Variants in SETBP1 observed in about 807,000 individuals in gnomAD.
The protein encoded by SETBP1 is SET-binding protein.
In SETBP1, 9 loss-of-function variants were observed where a neutral mutation model predicts 101.0. The ratio of observed to expected loss-of-function variants is 0.09; its 90% CI spans 0.05 to 0.16. SETBP1 has a LOEUF of 0.16. Among genes scored for constraint, SETBP1 ranks in the 10% least tolerant of loss-of-function variants. SETBP1 has a pLI of 1.00. For missense variants in SETBP1, 1,858 were observed against 2,033.8 expected (o/e 0.91, Z 1.66); for synonymous variants, 818 against 788.5 (o/e 1.04, Z -0.63).
chr18:45,033,913 G>T (rs1196266405), intron 4 of SETBP1, among the ~76,000 whole-genome samples: 1 of 152,162 alleles, frequency 6.6e-6, no homozygotes, highest in African/African-American at 2.4e-5. Context: ...TCTTATCTAG[G>T]AAAGGGTAGT....
intron 2 of SETBP1, among the ~76,000 whole-genome samples, chr18:44,755,331 G>C (rs966301518): frequency 6.6e-6 from 1 of 152,210 alleles, no homozygotes; most frequent in African/African-American, 2.4e-5. Flanking sequence ...GTTTCCAGAG[G>C]ATATTGAGAC....
chr18:44,696,584 T>A (rs1247279686), intron 1 of SETBP1, among the ~76,000 whole-genome samples: 2 of 152,214 alleles, frequency 1.3e-5, no homozygotes, highest in Non-Finnish European at 2.9e-5. Context: ...ATAAGTCACA[T>A]CTAGCCAAGC....
At chr18:44,802,505 C>A (rs968653305) in intron 2 of SETBP1, among the ~76,000 whole-genome samples, 1 of 152,178 alleles carries the variant, frequency 6.6e-6, no homozygotes, top group African/African-American at 2.4e-5. Flanking sequence ...GTACCCCATT[C>A]ATTCTTCAAG....
chr18:44,763,394 A>G (rs1472659850), intron 2 of SETBP1, among the ~76,000 whole-genome samples: 21 of 152,228 alleles, frequency 1.4e-4, no homozygotes, highest in Non-Finnish European at 1.5e-5. Flanking sequence ...CTACAATAAG[A>G]AAAGGTAAAC....
chr18:44,685,358 G>A (rs577868910), intron 1 of SETBP1, among the ~76,000 whole-genome samples: 11 of 152,240 alleles, frequency 7.2e-5, no homozygotes, highest in South Asian at 4.1e-4. Flanking sequence ...TATGGCTTCC[G>A]CCCCCTTGAT....
intron 2 of SETBP1, among the ~76,000 whole-genome samples, chr18:44,720,492 A>G (rs566473249): frequency 6.6e-6 from 1 of 152,340 alleles, no homozygotes; most frequent in Non-Finnish European, 1.5e-5. Flanking sequence ...GAAGAGAGGA[A>G]CCACATGGGC....
chr18:45,057,973 A>G (rs2073836207), intron 5 of SETBP1, among the ~76,000 whole-genome samples: 1 of 152,276 alleles, frequency 6.6e-6, no homozygotes, highest in Non-Finnish European at 1.5e-5. Flanking sequence ...CAAAATCAAC[A>G]GAATGCTGAT....
chr18:44,725,402 G>C (rs190934025), intron 2 of SETBP1, among the ~76,000 whole-genome samples: 3 of 152,116 alleles, frequency 2.0e-5, no homozygotes, highest in African/African-American at 7.2e-5. Flanking sequence ...AAACTGGGTT[G>C]GGGGGTGTGT....
intron 4 of SETBP1, among the ~76,000 whole-genome samples, chr18:44,966,200 T>C (rs965584021): frequency 1.3e-5 from 2 of 152,224 alleles, no homozygotes; most frequent in East Asian, 1.9e-4. Flanking sequence ...AGTCTAAAAC[T>C]ATCTGGCTTA....
chr18:44,769,225 A>G (rs2070823966), intron 2 of SETBP1, among the ~76,000 whole-genome samples: 1 of 152,188 alleles, frequency 6.6e-6, no homozygotes, highest in Non-Finnish European at 1.5e-5. Context: ...TCTACTTAAC[A>G]CATGTCCCTT....
At chr18:44,915,976 A>G (rs563014619) in intron 3 of SETBP1, among the ~76,000 whole-genome samples, 13 of 152,314 alleles carry the variant, frequency 8.5e-5, no homozygotes, top group Admixed American at 7.2e-4. Context: ...CTGTAATCCT[A>G]GGACTTTGGG....
chr18:44,901,275 C>G (rs2070038808), intron 3 of SETBP1, among the ~76,000 whole-genome samples: 1 of 152,126 alleles, frequency 6.6e-6, no homozygotes, highest in Admixed American at 6.6e-5. Flanking sequence ...TCTATCTATT[C>G]TGGGATGAGA....
intron 3 of SETBP1, among the ~76,000 whole-genome samples, chr18:44,900,651 G>A (rs1173710201): frequency 6.6e-6 from 1 of 152,178 alleles, no homozygotes; most frequent in Non-Finnish European, 1.5e-5. Flanking sequence ...CAGACCAGCA[G>A]CATCAGCATC....
chr18:44,816,405 C>A (rs1350113216), intron 2 of SETBP1, among the ~76,000 whole-genome samples: 2 of 152,150 alleles, frequency 1.3e-5, no homozygotes, highest in Non-Finnish European at 2.9e-5. Context: ...GGGTCAGCAG[C>A]TGGCTGAGGG....
chr18:44,831,321 T>TTTTACC (rs2072362406), intron 2 of SETBP1, among the ~76,000 whole-genome samples: 1 of 152,224 alleles, frequency 6.6e-6, no homozygotes, highest in African/African-American at 2.4e-5. Flanking sequence ...AGACATGTGA[T>TTTTACC]TAAGGGATAT....
At position 44,739,636 on chromosome 18, in the gene SETBP1, C is replaced by T. The variant is rs180711953; in HGVS notation, c.486+37804C>T. On this transcript the variant is annotated intron_variant, in intron 2 of 5. Coordinates refer to ENST00000649279, the MANE Select transcript of SETBP1 (RefSeq NM_015559.3). ...TATCAGTGATATCTGAATTTGGATT[C>T]AGGTCTTTCACATTTAAAATACCCT... Among the ~76,000 whole-genome samples, 10 of 152,262 alleles carry T rather than the reference C, an allele frequency of 6.6e-5. No homozygotes were observed. The East Asian group carries it at 1.7e-3, about 27-fold the overall frequency.
rs1598999319 is a variant in SETBP1 at position 44,695,710 on chromosome 18, G to T, written c.-172-5465G>T. On this transcript the variant is annotated intron_variant, in intron 1 of 5. Coordinates refer to ENST00000649279, the MANE Select transcript of SETBP1 (RefSeq NM_015559.3). ...AGCCGAGTACTCTTCCTGTGTTTGG[G>T]ATTGTTTGCCTTTAAGACCTGAGAG... 5.3e-5 allele frequency among the ~76,000 whole-genome samples: 8 copies of T among 152,290 alleles called. 1 individual carries two copies. The highest frequency in any genetic ancestry group is 5.2e-4 in the Admixed American group (8 of 15,304).
chr18:44,874,454 A>G lies in SETBP1; in HGVS notation c.540+5171A>G, dbSNP rs535983066. Among the ~76,000 whole-genome samples the G allele has an allele frequency of 1.3e-5, 2 of 152,302 alleles. 1 individual carries two copies. Among genetic ancestry groups the G allele is most frequent in the South Asian group, 4.1e-4 (2 of 4,822 alleles). On this transcript the variant is annotated intron_variant, in intron 3 of 5. Transcript: ENST00000649279. ...AATGGGTAGAAGGCGTGATGAAACC[A>G]AGAGGGCATCAAGCACTCAGCCTGT...
intron 2 of SETBP1, among the ~76,000 whole-genome samples, chr18:44,829,718 C>T (rs1038266270): frequency 1.5e-4 from 23 of 152,144 alleles, no homozygotes; most frequent in Admixed American, 8.5e-4. Context: ...AATTCTATAA[C>T]GGAGGGGCAA....
Sources: allele counts gnomAD v4.1 joint callset (sites outside exome capture counted in the v4.1 genomes callset), GRCh38; gene constraint gnomAD v4.1.1; transcripts MANE v1.5; gene names NCBI Gene and HGNC (gene_info 2026-07-23, HGNC 2026-07-21).